The following FHIT variants were observed in gnomAD, a reference collection of about 807,000 sequenced individuals.
FHIT encodes fragile histidine triad diadenosine triphosphatase.
In FHIT, 19 loss-of-function variants were observed where a neutral mutation model predicts 17.9. The observed-to-expected ratio is 1.06, with a 90% CI of 0.74 to 1.56. The LOEUF is 1.56. Among genes scored for constraint, FHIT ranks in the 40% most tolerant of loss-of-function variants. The probability of loss-of-function intolerance (pLI) is 0.00; values close to 1 mark genes in which losing one functional copy is unlikely to be tolerated. For missense variants in FHIT, 248 were observed against 189.2 expected, an observed-to-expected ratio of 1.31 and a Z score of -1.82; for synonymous variants, 81 against 69.7, an observed-to-expected ratio of 1.16 and a Z score of -0.81.
chr3:60,649,389 G>A (rs577134650), intron 4 of FHIT, among the ~76,000 whole-genome samples: 5 of 152,180 alleles, frequency 3.3e-5, no homozygotes, highest in Admixed American at 1.3e-4. Context: ...GTGACAGAGC[G>A]AGAGTCCATC....
At chr3:60,348,978 A>G (rs1327682248) in intron 5 of FHIT, among the ~76,000 whole-genome samples, 1 of 152,194 alleles carries the variant, frequency 6.6e-6, no homozygotes, top group Non-Finnish European at 1.5e-5. Flanking sequence ...ACATTTGCCT[A>G]GGTGACCCCA....
At chr3:61,187,778 C>T (rs142994435) in intron 2 of FHIT, among the ~76,000 whole-genome samples, 11,969 of 152,264 alleles carry the variant, frequency 0.079, 1,126 homozygotes, top group East Asian at 0.42. Flanking sequence ...TTAAGAAACT[C>T]ACTCAAAACC....
At chr3:59,793,532 A>C (rs683908) in intron 8 of FHIT, among the ~76,000 whole-genome samples, 33,744 of 152,090 alleles carry the variant, frequency 0.22, 4,048 homozygotes, top group South Asian at 0.28. Flanking sequence ...CTTCCAGACC[A>C]GTGCTCATCA....
At chr3:60,332,075 G>A (rs74712888) in intron 5 of FHIT, among the ~76,000 whole-genome samples, 74 of 152,156 alleles carry the variant, frequency 4.9e-4, no homozygotes, top group Non-Finnish European at 8.2e-4. Context: ...TTTCATTAAT[G>A]CTAATTAAAT....
intron 8 of FHIT, among the ~76,000 whole-genome samples, chr3:59,804,341 G>A (rs1474572489): frequency 2.0e-5 from 3 of 152,212 alleles, no homozygotes; most frequent in Admixed American, 1.3e-4. Flanking sequence ...ATAGCTGTCT[G>A]TCTCTTTATC....
At chr3:61,014,064 C>T (rs751917820) in intron 3 of FHIT, among the ~76,000 whole-genome samples, 8 of 152,056 alleles carry the variant, frequency 5.3e-5, no homozygotes, top group Non-Finnish European at 8.8e-5. Context: ...ATGAATTTTT[C>T]GACAGAATAC....
At chr3:60,027,108 G>GACACAC (rs754046097) in intron 5 of FHIT, among the ~76,000 whole-genome samples, 1,371 of 88,076 alleles carry the variant, frequency 0.016, 19 homozygotes, top group Non-Finnish European at 0.023. Context: ...TTCACACACA[G>GACACAC]ACACACACAC....
chr3:60,311,705 T>A (rs961488941), intron 5 of FHIT, among the ~76,000 whole-genome samples: 1 of 152,226 alleles, frequency 6.6e-6, no homozygotes, highest in Admixed American at 6.5e-5. Context: ...GCTTTTATTA[T>A]GCAAAGGCTG....
chr3:60,889,304 C>T (rs782401523), intron 3 of FHIT, among the ~76,000 whole-genome samples: 7 of 152,186 alleles, frequency 4.6e-5, no homozygotes, highest in Non-Finnish European at 8.8e-5. Flanking sequence ...ATAAGAACAC[C>T]TTCCCCTCCC....
chr3:60,459,019 C>A (rs137968799), intron 5 of FHIT, among the ~76,000 whole-genome samples: 1 of 152,000 alleles, frequency 6.6e-6, no homozygotes, highest in African/African-American at 2.4e-5. Context: ...TGGGCTCAAG[C>A]GATCCTCCTA....
intron 3 of FHIT, among the ~76,000 whole-genome samples, chr3:61,040,377 G>A (rs2033449514): frequency 6.6e-6 from 1 of 152,106 alleles, no homozygotes; most frequent in Non-Finnish European, 1.5e-5. Flanking sequence ...TTTGCACAAA[G>A]AGCAATTTAG....
rs541456130 is a variant in FHIT, at chr3:61,205,266, G to C, written c.-212-4601C>G. Reference sequence around the variant, plus strand: ...TTCCAAGTCTTTGCTATTGTGAATAGTGCCACAATAAACATACGTGTGCAT... The same window carrying C: ...TTCCAAGTCTTTGCTATTGTGAATACTGCCACAATAAACATACGTGTGCAT... On this transcript the variant is annotated intron_variant, in intron 1 of 9. Coordinates refer to ENST00000492590, the MANE Select transcript of FHIT (RefSeq NM_002012.4). Among the ~76,000 whole-genome samples the C allele has an allele frequency of 2.6e-5, 4 of 152,114 alleles. No individual in the cohort carries two copies. In the South Asian group the frequency reaches 6.2e-4, roughly 24 times the overall value.
At chr3:61,085,700 T>C (rs1268278603) in intron 2 of FHIT, among the ~76,000 whole-genome samples, 1 of 152,114 alleles carries the variant, frequency 6.6e-6, no homozygotes, top group Non-Finnish European at 1.5e-5. Context: ...ATTTGACTAA[T>C]ATAAAGTCAT....
chr3:60,411,000 G>A (rs1276475261), intron 5 of FHIT, among the ~76,000 whole-genome samples: 1 of 152,146 alleles, frequency 6.6e-6, no homozygotes, highest in Non-Finnish European at 1.5e-5. Flanking sequence ...TTGGAGTAGT[G>A]TGCCAAATGT....
chr3:60,479,783 C>T (rs751577825), intron 5 of FHIT, among the ~76,000 whole-genome samples: 11 of 152,250 alleles, frequency 7.2e-5, no homozygotes, highest in Non-Finnish European at 1.2e-4. Flanking sequence ...AGGTTGCATG[C>T]TCCTTATGAG....
rs146156531 is a variant in FHIT, at chr3:60,153,667, T to C, written c.104-139515A>G. ...GTCCAAAAGTAGCCTAAGGCCACGT[T>C]TATGAAATAAAAACACCAAGGACAC... On this transcript the variant is annotated intron_variant, in intron 5 of 9. Coordinates refer to ENST00000492590, the MANE Select transcript of FHIT (RefSeq NM_002012.4). Among the ~76,000 whole-genome samples, 433 of 152,340 alleles carry C rather than the reference T, an allele frequency of 2.8e-3. 1 individual carries two copies. Among genetic ancestry groups the C allele is most frequent in the African/African-American group, 9.2e-3 (384 of 41,590 alleles).
intron 7 of FHIT, among the ~76,000 whole-genome samples, chr3:59,933,550 C>T (rs1372303831): frequency 1.3e-5 from 2 of 151,986 alleles, no homozygotes; most frequent in African/African-American, 2.4e-5. Flanking sequence ...CAAAAGTGGC[C>T]GAGTTAAGAT....
intron 8 of FHIT, among the ~76,000 whole-genome samples, chr3:59,890,405 G>T (rs1703804446): frequency 6.6e-6 from 1 of 152,022 alleles, no homozygotes; most frequent in Admixed American, 6.6e-5. Context: ...AAAAGAAAAG[G>T]GCTGCCCGTG....
intron 8 of FHIT, among the ~76,000 whole-genome samples, chr3:59,905,772 CAGA>C (rs1416018182): frequency 6.6e-6 from 1 of 152,074 alleles, no homozygotes; most frequent in African/African-American, 2.4e-5. Context: ...CCTCCTGTGA[CAGA>C]AGAACAAAAA....
Sources: allele counts gnomAD v4.1 joint callset (sites outside exome capture counted in the v4.1 genomes callset), GRCh38; gene constraint gnomAD v4.1.1; transcripts MANE v1.5; gene names NCBI Gene and HGNC (gene_info 2026-07-23, HGNC 2026-07-21).